Variants in ZNF804B observed in about 807,000 individuals in gnomAD.
ZNF804B encodes zinc finger protein 804B.
Under a neutral mutation model 101.4 loss-of-function variants are expected in ZNF804B, and 80 were observed. That is an observed-to-expected ratio of 0.79 (90% CI 0.66 to 0.95). ZNF804B has a LOEUF of 0.95. Ranked by LOEUF, ZNF804B falls within the 40% of genes least tolerant of loss-of-function variation. The pLI is 0.00. For missense variants in ZNF804B, 1,673 were observed against 1,561.9 expected (o/e 1.07, Z -1.20); for synonymous variants, 622 against 558.8 (o/e 1.11, Z -1.59).
At chr7:88,815,042 G>A (rs1008310669) in intron 1 of ZNF804B, among the ~76,000 whole-genome samples, 1 of 148,820 alleles carries the variant, frequency 6.7e-6, no homozygotes, top group Admixed American at 6.7e-5. Context: ...ATATATGTGT[G>A]TGTGTGTGTA....
chr7:89,013,203 A>G (rs1033589345), intron 1 of ZNF804B, among the ~76,000 whole-genome samples: 1 of 152,166 alleles, frequency 6.6e-6, no homozygotes. Flanking sequence ...AGTTATTTCA[A>G]TATTTTGTCC....
intron 1 of ZNF804B, among the ~76,000 whole-genome samples, chr7:89,034,766 A>T (rs1044438577): frequency 6.6e-6 from 1 of 152,198 alleles, no homozygotes; most frequent in Non-Finnish European, 1.5e-5. Flanking sequence ...GTGTATACCC[A>T]GTAATGGGAT....
chr7:88,989,190 G>A (rs2116149415), intron 1 of ZNF804B, among the ~76,000 whole-genome samples: 1 of 152,024 alleles, frequency 6.6e-6, no homozygotes, highest in South Asian at 2.1e-4. Flanking sequence ...TAGAGACGGG[G>A]TTTCACCATG....
In ZNF804B at chr7:89,074,452, G is replaced by A. The variant is rs941369738; in HGVS notation, c.109-143703G>A. Among the ~76,000 whole-genome samples, 8 of 152,218 alleles carry A rather than the reference G, an allele frequency of 5.3e-5. No homozygotes were observed. In the East Asian group the frequency reaches 1.6e-3, roughly 30 times the overall value. On this transcript the variant is annotated intron_variant, in intron 1 of 3. Coordinates refer to ENST00000333190, the MANE Select transcript of ZNF804B (RefSeq NM_181646.5). ...GTGAATGAGTCTTATGAGATCTGAT[G>A]GTCTTAAAAAGGGGAGTTTCCTTGC...
At position 88,877,026 on chromosome 7, in the gene ZNF804B, A is replaced by ATAT. The variant is rs1491138122; in HGVS notation, c.108+116942_108+116943insTAT. On this transcript the variant is annotated intron_variant, in intron 1 of 3. Transcript: ENST00000333190. ...AAAAAAAATATATATATATATATAT[A>ATAT]ATATATATATATATATATATATATT... Among the ~76,000 whole-genome samples the ATAT allele has an allele frequency of 3.3e-3, 134 of 41,082 alleles. 3 individuals are homozygous for ATAT. Among genetic ancestry groups the ATAT allele is most frequent in the African/African-American group, 0.01 (60 of 5,996 alleles). 27.0% of individuals were successfully genotyped at this position (41,082 alleles called of 152,430 possible). A position where few individuals can be genotyped will look rare whatever the true frequency, so the allele number is the denominator to read the frequency against.
chr7:88,950,522 G>A (rs1415125036), intron 1 of ZNF804B, among the ~76,000 whole-genome samples: 1 of 151,844 alleles, frequency 6.6e-6, no homozygotes, highest in Non-Finnish European at 1.5e-5. Context: ...GATATAGACT[G>A]TACCTCTGTA....
chr7:88,773,415 G>T (rs75030857), intron 1 of ZNF804B, among the ~76,000 whole-genome samples: 4 of 140,142 alleles, frequency 2.9e-5, no homozygotes, highest in East Asian at 2.3e-4. Context: ...CATTCATTCT[G>T]TCAGTCAGTC....
intron 1 of ZNF804B, among the ~76,000 whole-genome samples, chr7:89,165,345 A>G (rs561594386): frequency 1.3e-5 from 2 of 152,238 alleles, no homozygotes; most frequent in African/African-American, 2.4e-5. Context: ...GAGGATACAC[A>G]AAGAATGACT....
chr7:88,786,087 C>T (rs1247592620), intron 1 of ZNF804B, among the ~76,000 whole-genome samples: 1 of 152,076 alleles, frequency 6.6e-6, no homozygotes, highest in African/African-American at 2.4e-5. Flanking sequence ...TGGCAAAGTG[C>T]CTGACACTGT....
At chr7:88,927,861 T>A (rs957169960) in intron 1 of ZNF804B, among the ~76,000 whole-genome samples, 5 of 151,864 alleles carry the variant, frequency 3.3e-5, no homozygotes, top group Admixed American at 2.0e-4. Flanking sequence ...CACTTATGGG[T>A]TTTTTTTAGC....
chr7:88,927,861 T>G (rs957169960), intron 1 of ZNF804B, among the ~76,000 whole-genome samples: 1 of 151,864 alleles, frequency 6.6e-6, no homozygotes, highest in Non-Finnish European at 1.5e-5. Flanking sequence ...CACTTATGGG[T>G]TTTTTTTAGC....
At chr7:88,935,690 A>C (rs1792956837) in intron 1 of ZNF804B, among the ~76,000 whole-genome samples, 1 of 151,996 alleles carries the variant, frequency 6.6e-6, no homozygotes, top group African/African-American at 2.4e-5. Context: ...TAGTCTCTCT[A>C]AAATCCTATC....
At chr7:89,053,868 C>A (rs1789248738) in intron 1 of ZNF804B, among the ~76,000 whole-genome samples, 2 of 151,958 alleles carry the variant, frequency 1.3e-5, no homozygotes, top group African/African-American at 4.8e-5. Context: ...AAGATCTTAC[C>A]TAATTGGATG....
At chr7:88,872,439 T>C (rs1430438303) in intron 1 of ZNF804B, among the ~76,000 whole-genome samples, 1 of 152,088 alleles carries the variant, frequency 6.6e-6, no homozygotes, top group Non-Finnish European at 1.5e-5. Context: ...ATAAAATCCA[T>C]GATATTTCTT....
At chr7:88,999,471 A>G (rs1274530507) in intron 1 of ZNF804B, among the ~76,000 whole-genome samples, 4 of 151,950 alleles carry the variant, frequency 2.6e-5, no homozygotes, top group Non-Finnish European at 5.9e-5. Flanking sequence ...GCAAATTCAT[A>G]TTTAAAGGGA....
intron 1 of ZNF804B, among the ~76,000 whole-genome samples, chr7:89,004,186 GAA>G (rs1788336331): frequency 6.6e-6 from 1 of 151,300 alleles, no homozygotes; most frequent in Non-Finnish European, 1.5e-5. Flanking sequence ...GCAAATCAAT[GAA>G]AATTAAACAA....
chr7:89,075,424 C>A, intron 1 of ZNF804B, among the ~76,000 whole-genome samples: 1 of 152,144 alleles, frequency 6.6e-6, no homozygotes, highest in South Asian at 2.1e-4. Flanking sequence ...CCAGCTGTGG[C>A]TTCAGAGGGT....
intron 2 of ZNF804B, among the ~76,000 whole-genome samples, chr7:89,297,118 G>A (rs1790396037): frequency 6.6e-6 from 1 of 152,046 alleles, no homozygotes; most frequent in South Asian, 2.1e-4. Flanking sequence ...ATAGGTAGAT[G>A]TGTTCTGCCT....
At chr7:89,315,400 G>A (rs1790708840) in intron 2 of ZNF804B, among the ~76,000 whole-genome samples, 1 of 152,058 alleles carries the variant, frequency 6.6e-6, no homozygotes, top group African/African-American at 2.4e-5. Context: ...AGTAGTTTTT[G>A]AAAAAGTTTA....
Sources: allele counts gnomAD v4.1 joint callset (sites outside exome capture counted in the v4.1 genomes callset), GRCh38; gene constraint gnomAD v4.1.1; transcripts MANE v1.5; gene names NCBI Gene and HGNC (gene_info 2026-07-23, HGNC 2026-07-21).